GULP1: variants seen among roughly 807,000 people sequenced by gnomAD.
GULP1 encodes GULP PTB domain containing engulfment adaptor 1, also known as PTB domain-containing engulfment adapter protein 1.
In GULP1, 19 loss-of-function variants were observed where a neutral mutation model predicts 40.9. The observed-to-expected ratio is 0.46, with a 90% confidence interval of 0.32 to 0.68. The LOEUF (loss-of-function observed/expected upper bound fraction) is 0.68, where lower values mean the gene tolerates loss of function less well. GULP1 is among the 30% of genes least tolerant of loss of function. The pLI, the probability that GULP1 is intolerant of heterozygous loss-of-function variation, is 0.03. For synonymous variants in GULP1, 119 were observed against 117.6 expected (o/e 1.01, Z -0.08); for missense variants, 312 against 362.2 (o/e 0.86, Z 1.12).
intron 1 of GULP1, among the ~76,000 whole-genome samples, chr2:188,306,533 A>G (rs1036187975): frequency 6.6e-6 from 1 of 152,170 alleles, no homozygotes; most frequent in Admixed American, 6.5e-5. Flanking sequence ...GGTAGAAAGC[A>G]ATGAGAGTGT....
chr2:188,484,959 A>G (rs80296294), intron 4 of GULP1, among the ~76,000 whole-genome samples: 4,078 of 152,256 alleles, frequency 0.027, 112 homozygotes, highest in African/African-American at 0.059. Context: ...AGTTAACTGA[A>G]TGAGAAAAAT....
intron 4 of GULP1, among the ~76,000 whole-genome samples, chr2:188,516,109 A>C (rs1046304022): frequency 2.0e-5 from 3 of 152,106 alleles, no homozygotes; most frequent in African/African-American, 7.2e-5. Context: ...TGTAGTGGCC[A>C]TCAACACCCT....
chr2:188,471,985 T>G (rs1434819696), intron 2 of GULP1, among the ~76,000 whole-genome samples: 1 of 152,232 alleles, frequency 6.6e-6, no homozygotes, highest in African/African-American at 2.4e-5. Context: ...CTATTGTTTG[T>G]CTGGGAAAGT....
At chr2:188,513,993 A>G (rs553483895) in intron 4 of GULP1, among the ~76,000 whole-genome samples, 50 of 150,144 alleles carry the variant, frequency 3.3e-4, no homozygotes, top group Admixed American at 1.3e-3. Context: ...CCCATATTCC[A>G]AAATGCGCAG....
At chr2:188,327,923 A>G (rs2040989482) in intron 1 of GULP1, among the ~76,000 whole-genome samples, 1 of 152,150 alleles carries the variant, frequency 6.6e-6, no homozygotes, top group Non-Finnish European at 1.5e-5. Flanking sequence ...GTTCTGGTAA[A>G]GAAATATCTC....
intron 2 of GULP1, among the ~76,000 whole-genome samples, chr2:188,400,563 G>A (rs2052085706): frequency 6.6e-6 from 1 of 152,128 alleles, no homozygotes; most frequent in South Asian, 2.1e-4. Context: ...TAAATGTAGT[G>A]GAGTGCCACT....
intron 1 of GULP1, among the ~76,000 whole-genome samples, chr2:188,341,901 G>C (rs895457983): frequency 6.6e-6 from 1 of 152,064 alleles, no homozygotes; most frequent in Non-Finnish European, 1.5e-5. Flanking sequence ...CTTGTGGTTT[G>C]TATTATACCA....
Position 188,569,370 on chromosome 2 carries a change from CTTG to C in GULP1, c.516+21_516+23del, listed in dbSNP as rs1206661272. ...TACAAAAAAGAGTGAGTAAACTAAG[CTTG>C]TTGTTTTACATTTGTGTGATGTAAG... is the stretch of plus-strand genomic sequence containing the variant. On this transcript the variant is annotated intron_variant, in intron 8 of 11. Transcript: ENST00000409830. The C allele has an allele frequency of 4.1e-6, 5 of 1,213,816 alleles. No individual in the cohort carries two copies. Among genetic ancestry groups the C allele is most frequent in the Non-Finnish European group, 6.1e-6 (5 of 814,950 alleles). The allele number at this position is 1,213,816 out of a possible 1,614,324, so 75.2% of individuals were successfully genotyped here.
chr2:188,488,839 T>C (rs2062089386), intron 4 of GULP1, among the ~76,000 whole-genome samples: 1 of 151,998 alleles, frequency 6.6e-6, no homozygotes, highest in Non-Finnish European at 1.5e-5. Flanking sequence ...GAACAAAATA[T>C]TAATGCAAAG....
At chr2:188,481,312 A>G (rs942908104) in intron 3 of GULP1, among the ~76,000 whole-genome samples, 1 of 151,992 alleles carries the variant, frequency 6.6e-6, no homozygotes, top group Non-Finnish European at 1.5e-5. Context: ...AGTCCTATCT[A>G]TAAGTTAATA....
intron 7 of GULP1, among the ~76,000 whole-genome samples, chr2:188,560,093 G>T (rs949307296): frequency 1.4e-4 from 21 of 152,146 alleles, no homozygotes; most frequent in African/African-American, 5.1e-4. Flanking sequence ...ATACAGTGAG[G>T]CTGCAAATTT....
chr2:188,507,910 A>T (rs2064099215), intron 4 of GULP1, among the ~76,000 whole-genome samples: 1 of 151,970 alleles, frequency 6.6e-6, no homozygotes, highest in South Asian at 2.1e-4. Context: ...ATATCATGAA[A>T]AATAGGTATA....
intron 7 of GULP1, among the ~76,000 whole-genome samples, chr2:188,543,417 G>A (rs1691048643): frequency 6.6e-6 from 1 of 152,002 alleles, no homozygotes; most frequent in East Asian, 1.9e-4. Flanking sequence ...ACTATAAGTT[G>A]GCATCACCTT....
intron 1 of GULP1, among the ~76,000 whole-genome samples, chr2:188,367,544 G>T (rs1310845410): frequency 2.0e-5 from 3 of 152,200 alleles, no homozygotes; most frequent in African/African-American, 7.2e-5. Flanking sequence ...TCTTTTTGAA[G>T]TCTAGGTCTG....
intron 4 of GULP1, among the ~76,000 whole-genome samples, chr2:188,491,916 G>T (rs2062428895): frequency 6.6e-6 from 1 of 151,982 alleles, no homozygotes; most frequent in South Asian, 2.1e-4. Flanking sequence ...GTCTCCTGTT[G>T]TGCACTTATT....
At chr2:188,497,511 T>G (rs1054160694) in intron 4 of GULP1, among the ~76,000 whole-genome samples, 1 of 152,028 alleles carries the variant, frequency 6.6e-6, no homozygotes, top group Non-Finnish European at 1.5e-5. Context: ...TATAATGAGA[T>G]GACGTGTTTA....
chr2:188,365,434 A>G (rs1286262446), intron 1 of GULP1, among the ~76,000 whole-genome samples: 1 of 152,210 alleles, frequency 6.6e-6, no homozygotes, highest in East Asian at 1.9e-4. Flanking sequence ...CTACTGGCTA[A>G]TATTTGCTTA....
intron 1 of GULP1, among the ~76,000 whole-genome samples, chr2:188,295,664 A>G (rs898753007): frequency 6.6e-6 from 1 of 152,140 alleles, no homozygotes; most frequent in Non-Finnish European, 1.5e-5. Context: ...GTATAGATAA[A>G]TTGTTTAAAG....
At chr2:188,556,139 A>C (rs1201671194) in intron 7 of GULP1, among the ~76,000 whole-genome samples, 1 of 152,046 alleles carries the variant, frequency 6.6e-6, no homozygotes, top group Admixed American at 6.6e-5. Flanking sequence ...TAATCCTTTT[A>C]TGCTTTCTTC....
Sources: allele counts gnomAD v4.1 joint callset (sites outside exome capture counted in the v4.1 genomes callset), GRCh38; gene constraint gnomAD v4.1.1; transcripts MANE v1.5; gene names NCBI Gene and HGNC (gene_info 2026-07-23, HGNC 2026-07-21).